The following GRIP1 variants were observed in gnomAD, a reference collection of about 807,000 sequenced individuals.
GRIP1 encodes glutamate receptor interacting protein 1.
A neutral mutation model predicts 129.9 loss-of-function variants in GRIP1; 45 were observed. The observed-to-expected ratio is 0.35, with a 90% confidence interval of 0.27 to 0.44. The LOEUF (loss-of-function observed/expected upper bound fraction) is 0.44. Ranked by LOEUF, GRIP1 falls within the 20% of genes least tolerant of loss-of-function variation. The pLI is 1.00. For synonymous variants in GRIP1, 530 were observed against 520.8 expected, an observed-to-expected ratio of 1.02 and a Z score of -0.24; for missense variants, 1,196 against 1,396.8, an observed-to-expected ratio of 0.86 and a Z score of 2.29.
At chr12:66,533,857 ACACACT>A (rs1161073134) in intron 4 of GRIP1, among the ~76,000 whole-genome samples, 6 of 113,334 alleles carry the variant, frequency 5.3e-5, no homozygotes, top group Admixed American at 4.2e-4. Flanking sequence ...ACACACACAC[ACACACT>A]CACACACACA....
At chr12:66,939,376 T>C (rs1357287824) in intron 1 of GRIP1, among the ~76,000 whole-genome samples, 1 of 152,068 alleles carries the variant, frequency 6.6e-6, no homozygotes. Flanking sequence ...CAACAAACAT[T>C]TATTAGAGAC....
At chr12:67,024,215 T>C (rs1339963073) in intron 1 of GRIP1, among the ~76,000 whole-genome samples, 1 of 152,186 alleles carries the variant, frequency 6.6e-6, no homozygotes, top group African/African-American at 2.4e-5. Flanking sequence ...TTGAGAAAGA[T>C]GAAACACAAA....
intron 1 of GRIP1, among the ~76,000 whole-genome samples, chr12:66,926,359 C>T (rs1011058733): frequency 5.3e-5 from 8 of 152,216 alleles, no homozygotes; most frequent in Admixed American, 3.3e-4. Flanking sequence ...TACGATACCC[C>T]CATAGCTCGA....
At chr12:66,708,582 C>A (rs1480230597) in intron 1 of GRIP1, among the ~76,000 whole-genome samples, 2 of 151,826 alleles carry the variant, frequency 1.3e-5, no homozygotes, top group Non-Finnish European at 2.9e-5. Context: ...TGCAACCAGA[C>A]TAATTTTGTG....
At chr12:66,940,909 G>A (rs2041573766) in intron 1 of GRIP1, among the ~76,000 whole-genome samples, 1 of 151,970 alleles carries the variant, frequency 6.6e-6, no homozygotes, top group African/African-American at 2.4e-5. Context: ...GAAAAAAAGT[G>A]AGCTATAAAT....
At chr12:67,046,839 C>T (rs2135832740) in intron 1 of GRIP1, among the ~76,000 whole-genome samples, 1 of 152,234 alleles carries the variant, frequency 6.6e-6, no homozygotes, top group Admixed American at 6.5e-5. Context: ...AATTTAAATT[C>T]CCTCCTCCTA....
intron 7 of GRIP1, among the ~76,000 whole-genome samples, chr12:66,476,742 T>C (rs1310917819): frequency 6.6e-6 from 1 of 152,200 alleles, no homozygotes; most frequent in Non-Finnish European, 1.5e-5. Flanking sequence ...TCAATAAACG[T>C]AATCCAGCAT....
intron 1 of GRIP1, among the ~76,000 whole-genome samples, chr12:66,803,289 G>A (rs1312861539): frequency 6.6e-6 from 1 of 152,150 alleles, no homozygotes; most frequent in Non-Finnish European, 1.5e-5. Flanking sequence ...CCCATTTGGG[G>A]CACATCATAA....
At chr12:66,894,878 A>G (rs2040719557) in intron 1 of GRIP1, among the ~76,000 whole-genome samples, 1 of 152,150 alleles carries the variant, frequency 6.6e-6, no homozygotes, top group Admixed American at 6.5e-5. Flanking sequence ...TCCTTGTAGG[A>G]CTAGAACCCT....
intron 1 of GRIP1, among the ~76,000 whole-genome samples, chr12:67,024,338 G>A (rs1105753): frequency 0.5 from 75,344 of 151,992 alleles, 19,490 homozygotes; most frequent in Non-Finnish European, 0.58. Context: ...GCAAGGATCT[G>A]CGGAGGGAGG....
intron 1 of GRIP1, among the ~76,000 whole-genome samples, chr12:66,809,913 C>T (rs1479628164): frequency 1.3e-5 from 2 of 152,080 alleles, no homozygotes; most frequent in African/African-American, 4.8e-5. Flanking sequence ...ACCTTGGCCT[C>T]CCAAAGTGCT....
intron 1 of GRIP1, among the ~76,000 whole-genome samples, chr12:66,678,256 A>G (rs1481335424): frequency 6.6e-6 from 1 of 152,188 alleles, no homozygotes; most frequent in Non-Finnish European, 1.5e-5. Flanking sequence ...TGATGATAAG[A>G]TTCCGAGCAA....
At chr12:66,736,562 T>A (rs887212546) in intron 1 of GRIP1, among the ~76,000 whole-genome samples, 3 of 151,810 alleles carry the variant, frequency 2.0e-5, no homozygotes, top group African/African-American at 7.3e-5. Flanking sequence ...AGGGTCTTCA[T>A]CCTCCTTGTC....
chr12:66,358,383 A>G lies in GRIP1; in HGVS notation c.3013-4820T>C, dbSNP rs184096258. 2.6e-5 allele frequency among the ~76,000 whole-genome samples: 4 copies of G among 152,304 alleles called. No individual in the cohort carries two copies. In the East Asian group the frequency reaches 7.7e-4, roughly 29 times the overall value. ...GAATAGTTCTTATCCCCGATCTGGA[A>G]TCAGCTATTCCTCCAAGGAGCCTTC... On this transcript the variant is annotated intron_variant, in intron 23 of 24. Coordinates refer to ENST00000359742, the MANE Select transcript of GRIP1 (RefSeq NM_001366722.1).
At chr12:66,886,682 T>A (rs868341774) in intron 1 of GRIP1, among the ~76,000 whole-genome samples, 1 of 152,298 alleles carries the variant, frequency 6.6e-6, no homozygotes, top group Middle Eastern at 3.4e-3. Flanking sequence ...TTGGTGACAG[T>A]ACTAAGCAAA....
intron 6 of GRIP1, among the ~76,000 whole-genome samples, chr12:66,517,428 A>G (rs1313379349): frequency 6.6e-6 from 1 of 152,190 alleles, no homozygotes; most frequent in Non-Finnish European, 1.5e-5. Flanking sequence ...AGTCACTATC[A>G]AAGAATAACA....
intron 1 of GRIP1, among the ~76,000 whole-genome samples, chr12:66,715,767 A>C (rs1351425774): frequency 6.6e-6 from 1 of 152,102 alleles, no homozygotes; most frequent in African/African-American, 2.4e-5. Flanking sequence ...ATTAAAATAC[A>C]GTGGGAGCTT....
intron 1 of GRIP1, among the ~76,000 whole-genome samples, chr12:66,737,281 CTT>C (rs2036635230): frequency 6.6e-6 from 1 of 152,170 alleles, no homozygotes; most frequent in African/African-American, 2.4e-5. Context: ...CCCTCTATCT[CTT>C]TCTCCTTTTT....
chr12:66,625,508 C>A (rs994793200), intron 1 of GRIP1, among the ~76,000 whole-genome samples: 4 of 152,062 alleles, frequency 2.6e-5, no homozygotes, highest in African/African-American at 9.7e-5. Flanking sequence ...GAAATACAGT[C>A]ATTTATACTA....
Sources: allele counts gnomAD v4.1 joint callset (sites outside exome capture counted in the v4.1 genomes callset), GRCh38; gene constraint gnomAD v4.1.1; transcripts MANE v1.5; gene names NCBI Gene and HGNC (gene_info 2026-07-23, HGNC 2026-07-21).